Variants in FLNC observed in about 807,000 individuals in gnomAD.
The protein encoded by FLNC is filamin-C.
In FLNC, 91 loss-of-function variants were observed where a neutral mutation model predicts 254.3. That is an observed-to-expected ratio of 0.36 (90% CI 0.30 to 0.43). The LOEUF (loss-of-function observed/expected upper bound fraction) is 0.43. Among genes scored for constraint, FLNC ranks in the 20% least tolerant of loss-of-function variants. FLNC has a pLI of 1.00. For synonymous variants in FLNC, 1,430 were observed against 1,577.2 expected, an observed-to-expected ratio of 0.91 and a Z score of 2.21; for missense variants, 2,853 against 3,802.6, an observed-to-expected ratio of 0.75 and a Z score of 6.57.
In FLNC at chr7:128,844,751, G is replaced by C. The variant is rs1808482457; in HGVS notation, c.3286G>C (p.Gly1096Arg). The C allele has an allele frequency of 6.2e-7, 1 of 1,613,872 alleles. No individual in the cohort carries two copies. ...DTKGAGTGGLGLTVEGPCEAK... is the reference protein window; with the variant it reads ...DTKGAGTGGLRLTVEGPCEAK... The stretch of plus-strand genomic sequence containing the variant: ...CAAGGGGGCTGGCACAGGTGGCCTG[G>C]GGCTGACCGTAGAGGGCCCCTGCGA... The change falls in exon 21 of 48, where the codon GGG becomes CGG. Residue 1096 changes from glycine (G) to arginine (R), a missense_variant. Gly to Arg is a moderately radical substitution (Grantham distance 125). Transcript: ENST00000325888.
Position 128,830,701 on chromosome 7 carries a change from C to A in FLNC, c.64C>A (p.Pro22Thr), listed in dbSNP as rs368812043. ...LGLGDETDEM[P>T]STEKDLAEDA... is the part of the protein sequence containing the mutation. ...CCTGGGCGATGAGACAGACGAGATG[C>A]CGTCCACGGAGAAGGACCTGGCGGA... Residue 22 changes from proline to threonine, a missense_variant, in exon 1 of 48, where the codon CCG (proline) becomes ACG (threonine). Pro to Thr is a conservative substitution (Grantham distance 38, BLOSUM62 -1). Around this residue, in one of 10 missense-constraint regions of FLNC, gnomAD observed 37 missense variants for 32.7 expected, o/e 1.13. Coordinates refer to ENST00000325888, the MANE Select transcript of FLNC (RefSeq NM_001458.5). The A allele has an allele frequency of 1.2e-6, 2 of 1,612,926 alleles. No individual in the cohort carries two copies. Among genetic ancestry groups the A allele is most frequent in the South Asian group, 1.1e-5 (1 of 91,080 alleles).
chr7:128,831,122 C>G, intron 1 of FLNC, 133 bp downstream of exon 1: 4 of 814,084 alleles, frequency 4.9e-6, no homozygotes, highest in Non-Finnish European at 3.8e-6. Flanking sequence ...AGAGAGAAGA[C>G]CCTGGCCCCG....
Position 128,847,831 on chromosome 7 carries a change from G to A in FLNC, c.4423G>A (p.Ala1475Thr). ...AGTGGATTGCAGTCAAGCTGGCCGG[G>A]CGCCCCTGCAGGTGGCTGTGCTGGG... ...FTVDCSQAGR[A>T]PLQVAVLGPT... The change falls in exon 25 of 48, where the codon GCG becomes ACG. Residue 1475 changes from alanine to threonine, a missense_variant. Coordinates refer to ENST00000325888, the MANE Select transcript of FLNC (RefSeq NM_001458.5). 6.2e-7 allele frequency: 1 copy of A among 1,613,632 alleles called. No individual in the cohort carries two copies. The highest frequency in any genetic ancestry group is 8.5e-7 in the Non-Finnish European group (1 of 1,179,780).
chr7:128,851,103 T>A (rs1197612300), intron 33 of FLNC, 129 bp from the exon 34 acceptor site: 2 of 1,538,932 alleles, frequency 1.3e-6, no homozygotes, highest in Non-Finnish European at 8.9e-7. Context: ...GAAGCAGACC[T>A]CCACCAGCTG....
Position 128,857,678 on chromosome 7 carries a change from G to A in FLNC, c.7781-330G>A, listed in dbSNP as rs1241607452. ...TGAGCAAGCTTCCCCTCTTGAGGCT[G>A]TCTGTAGGATGAGTTGGGTGGGTGT... On this transcript the variant is annotated intron_variant, in intron 46 of 47. Transcript: ENST00000325888. This position sits in a 1 kb window ranked among gnomAD's most constrained non-coding sequence, Gnocchi z 4.5. Among the ~76,000 whole-genome samples, 1 of 151,780 alleles carries A rather than the reference G, an allele frequency of 6.6e-6. No individual in the cohort carries two copies. The highest frequency in any genetic ancestry group is 2.4e-5 in the African/African-American group (1 of 41,152).
Position 128,848,886 on chromosome 7 carries a change from A to G in FLNC, c.4831A>G (p.Thr1611Ala). The change falls in exon 28 of 48, where the codon ACC becomes GCC. Residue 1611 changes from threonine (T) to alanine (A), a missense_variant. This residue lies in a region of FLNC where 1,573 missense variants were observed against 1,883.5 expected (regional missense o/e 0.84). Coordinates refer to ENST00000325888, the MANE Select transcript of FLNC (RefSeq NM_001458.5). ...SYLPDMSGRY[T>A]ITIKYGGDEI... ...CCTGCCGGACATGAGTGGCCGGTAC[A>G]CCATCACCATCAAGTATGGCGGTGA... 1 of 1,613,562 alleles carries G rather than the reference A, an allele frequency of 6.2e-7. No homozygotes were observed. Among genetic ancestry groups the G allele is most frequent in the Non-Finnish European group, 8.5e-7 (1 of 1,179,888 alleles).
At position 128,845,121 on chromosome 7, in the gene FLNC, C is replaced by T. The variant is rs775551445; in HGVS notation, c.3656C>T (p.Ala1219Val). Residue 1219 changes from alanine to valine, a missense_variant, in exon 21 of 48, where the codon GCC becomes GTC. By Grantham distance (64) the Ala-to-Val change is moderately conservative. Transcript: ENST00000325888. Reference sequence around the variant, plus strand: ...ACCTACCACATCACCTACAGCCCTGCCTTCCCTGGCACCTACACCATTACC... The same window carrying T: ...ACCTACCACATCACCTACAGCCCTGTCTTCCCTGGCACCTACACCATTACC... ...DGTYHITYSP[A>V]FPGTYTITIK... 6.2e-7 allele frequency: 1 copy of T among 1,613,956 alleles called. No individual in the cohort carries two copies. The highest frequency in any genetic ancestry group is 8.5e-7 in the Non-Finnish European group (1 of 1,180,040).
intron 9 of FLNC, 38 bp from the exon 10 acceptor site, chr7:128,840,510 G>A (rs775198934): frequency 1.9e-6 from 3 of 1,613,890 alleles, no homozygotes; most frequent in Admixed American, 3.3e-5. Flanking sequence ...CAAGGATATT[G>A]ATCTGCCTTC....
rs1417743332 is a variant in FLNC at position 128,842,281 on chromosome 7, C to T, written c.2172C>T (p.Gly724=). The T allele has an allele frequency of 1.2e-6, 2 of 1,613,704 alleles. No homozygotes were observed. The highest frequency in any genetic ancestry group is 1.7e-6 in the Non-Finnish European group (2 of 1,180,008). ...TCAAGGTGATCCCCAACGGCGACGG[C>T]ACCTTCCGCTGCTCCTACGTGCCCA... ...IDIKVIPNGD[G]TFRCSYVPTK... Residue 724 remains glycine (G), a synonymous_variant, in exon 14 of 48, where the codon GGC becomes GGT. Coordinates refer to ENST00000325888, the MANE Select transcript of FLNC (RefSeq NM_001458.5). This position sits in a 1 kb window ranked among gnomAD's most constrained non-coding sequence, Gnocchi z 5.4.
Position 128,837,545 on chromosome 7 carries a change from C to T in FLNC, c.847C>T (p.Pro283Ser), listed in dbSNP as rs747837157. ...LNPKKAIAYG[P>S]GIEPQGNTVL... ...CCCCAAGAAAGCCATCGCCTATGGG[C>T]CTGGTATGTGTGAGCCCCTGGCGGC... The change falls in exon 4 of 48, where the codon CCT becomes TCT. Residue 283 changes from proline (P) to serine (S), a missense_variant. Coordinates refer to ENST00000325888, the MANE Select transcript of FLNC (RefSeq NM_001458.5). The T allele has an allele frequency of 1.2e-6, 2 of 1,614,138 alleles. No individual in the cohort carries two copies. The highest frequency in any genetic ancestry group is 2.2e-5 in the South Asian group (2 of 91,088).
Position 128,847,828 on chromosome 7 carries a change from C to A in FLNC, c.4420C>A (p.Arg1474=). Reference sequence around the variant, plus strand: ...CACAGTGGATTGCAGTCAAGCTGGCCGGGCGCCCCTGCAGGTGGCTGTGCT... The same window carrying A: ...CACAGTGGATTGCAGTCAAGCTGGCAGGGCGCCCCTGCAGGTGGCTGTGCT... ...TFTVDCSQAG[R]APLQVAVLGP... Residue 1474 remains arginine, a synonymous_variant, in exon 25 of 48, where the codon CGG becomes AGG. Transcript: ENST00000325888. The A allele has an allele frequency of 1.2e-6, 2 of 1,613,560 alleles. No individual in the cohort carries two copies. The highest frequency in any genetic ancestry group is 1.7e-4 in the Middle Eastern group (1 of 6,036).
chr7:128,831,021 C>G, intron 1 of FLNC, 32 bp downstream of exon 1: 1 of 1,591,818 alleles, frequency 6.3e-7, no homozygotes, highest in Non-Finnish European at 8.5e-7. Flanking sequence ...ACGGGCGCTG[C>G]GGGGATAGGG....
chr7:128,856,629 T>C lies in FLNC; in HGVS notation c.7363T>C (p.Tyr2455His), dbSNP rs371262238. 1.4e-5 allele frequency: 22 copies of C among 1,612,782 alleles called. No homozygotes were observed. The Admixed American group carries it at 3.3e-4, about 24-fold the overall frequency. The change falls in exon 44 of 48, where the codon TAC becomes CAC. Residue 2455 changes from tyrosine to histidine, a missense_variant. Tyr to His is a moderately conservative substitution (Grantham distance 83). Around this residue, in one of 10 missense-constraint regions of FLNC, gnomAD observed 47 missense variants for 40.3 expected, o/e 1.17. Coordinates refer to ENST00000325888, the MANE Select transcript of FLNC (RefSeq NM_001458.5). The surrounding 1 kb of genome is among the most constrained non-coding windows in gnomAD (Gnocchi z 5.9). ...HTPSGAVEEC[Y>H]VSELDSDKHT... is the part of the protein sequence containing the mutation. Reference sequence around the variant, plus strand: ...ACCCTCGGGGGCTGTGGAGGAGTGCTACGTCTCTGAGCTGGACAGTGGTGA... The same window carrying C: ...ACCCTCGGGGGCTGTGGAGGAGTGCCACGTCTCTGAGCTGGACAGTGGTGA...
intron 7 of FLNC, 54 bp downstream of exon 7, chr7:128,838,483 T>TCC (rs1808194939): frequency 7.3e-7 from 1 of 1,377,254 alleles, no homozygotes; most frequent in South Asian, 1.1e-5. Flanking sequence ...TGTGGGGCTG[T>TCC]GTGGGGGTGG....
rs754425568 is a variant in FLNC, at chr7:128,853,454, C to T, written c.6209-15C>T. 36 of 1,613,708 alleles carry T rather than the reference C, an allele frequency of 2.2e-5. No homozygotes were observed. Among genetic ancestry groups the T allele is most frequent in the South Asian group, 4.4e-5 (4 of 91,042 alleles). On this transcript the variant is annotated splice_polypyrimidine_tract_variant and intron_variant, in intron 37 of 47. Coordinates refer to ENST00000325888, the MANE Select transcript of FLNC (RefSeq NM_001458.5). ...GCCTAGGACTGAGGGAGATGTGTTC[C>T]TTGCTTTCCCCCAGGTTATGGGGGC...
rs1311799249 is a variant in FLNC, at chr7:128,838,353, G to A, written c.1134G>A (p.Val378=). Residue 378 remains valine, a synonymous_variant, in exon 7 of 48, where the codon GTG becomes GTA. Coordinates refer to ENST00000325888, the MANE Select transcript of FLNC (RefSeq NM_001458.5). Reference sequence around the variant, plus strand: ...TGGCCCTGGGAGATGCCAACAAGGTGTCAGCCCGTGGCCCTGGCCTGGAAC... The same window carrying A: ...TGGCCCTGGGAGATGCCAACAAGGTATCAGCCCGTGGCCCTGGCCTGGAAC... The part of the protein sequence containing the change: ...VGMALGDANK[V]SARGPGLEPV... 1 of 1,614,112 alleles carries A rather than the reference G, an allele frequency of 6.2e-7. No homozygotes were observed. The highest frequency in any genetic ancestry group is 8.5e-7 in the Non-Finnish European group (1 of 1,180,008).
rs576908770 is a variant in FLNC, at chr7:128,837,630, C to A, written c.851-7C>A. 4.8e-5 allele frequency: 77 copies of A among 1,612,774 alleles called. No homozygotes were observed. The East Asian group carries it at 8.2e-4, about 17-fold the overall frequency. On this transcript the variant is annotated splice_polypyrimidine_tract_variant and splice_region_variant and intron_variant, in intron 4 of 47. Coordinates refer to ENST00000325888, the MANE Select transcript of FLNC (RefSeq NM_001458.5). ...TGAGTAACCTGGGCTCTGCTCCTGC[C>A]CCGTAGGCATCGAGCCACAGGGCAA...
chr7:128,840,525 C>T (rs761616881), intron 9 of FLNC, 23 bp from the exon 10 acceptor site: 1 of 1,614,116 alleles, frequency 6.2e-7, no homozygotes, highest in South Asian at 1.1e-5. Context: ...GCCTTCTTCC[C>T]CACCCTGCCC....
At chr7:128,831,459 A>G (rs1197698216) in intron 1 of FLNC, among the ~76,000 whole-genome samples, 1 of 152,172 alleles carries the variant, frequency 6.6e-6, no homozygotes, top group Admixed American at 6.5e-5. Flanking sequence ...GTCCCCAACC[A>G]CTGCCCGCGT....
Sources: gnomAD v4.1 joint callset for allele counts (sites outside exome capture counted in the v4.1 genomes callset) on GRCh38, gnomAD v4.1.1 for gene constraint, gnomAD v4.1.1 regional missense constraint, Gnocchi (gnomAD v3.1) non-coding constraint, MANE v1.5 for transcripts, NCBI Gene and HGNC (gene_info 2026-07-23, HGNC 2026-07-21) for gene names.